HAUS1: variants seen among roughly 807,000 people sequenced by gnomAD.
The protein encoded by HAUS1 is HAUS augmin-like complex subunit 1.
HAUS1 carries 25 observed loss-of-function variants against 38.6 expected under a neutral mutation model. That is an observed-to-expected ratio of 0.65 (90% CI 0.47 to 0.91). HAUS1 has a LOEUF of 0.91. Ranked by LOEUF, HAUS1 falls within the 40% of genes least tolerant of loss-of-function variation. The probability of loss-of-function intolerance (pLI) is 0.00; values close to 1 mark genes in which losing one functional copy is unlikely to be tolerated. For missense variants in HAUS1, 325 were observed against 328.4 expected (o/e 0.99, Z 0.08); for synonymous variants, 109 against 112.9 (o/e 0.97, Z 0.22).
At chr18:46,111,825 G>GT (rs949630502) in intron 2 of HAUS1, among the ~76,000 whole-genome samples, 3 of 149,696 alleles carry the variant, frequency 2.0e-5, no homozygotes, top group African/African-American at 7.4e-5. Context: ...TTATGCGTAT[G>GT]TTGGTATGCT....
intron 8 of HAUS1, 77 bp from the exon 9 acceptor site, chr18:46,127,998 T>G (rs928886479): frequency 3.6e-6 from 3 of 837,826 alleles, no homozygotes; most frequent in Non-Finnish European, 5.4e-6. Flanking sequence ...TTTGCTTCCC[T>G]TATTTTAAAT....
chr18:46,123,419 C>CT, intron 6 of HAUS1, 55 bp downstream of exon 6: 1 of 1,182,156 alleles, frequency 8.5e-7, no homozygotes, highest in Non-Finnish European at 1.2e-6. Flanking sequence ...CCACAGTCTG[C>CT]TTTTTCATTT....
chr18:46,116,559 C>T (rs537737913), intron 2 of HAUS1, among the ~76,000 whole-genome samples: 14 of 136,730 alleles, frequency 1.0e-4, no homozygotes, highest in Admixed American at 1.0e-3. Flanking sequence ...AGACCCTGTC[C>T]CAAAAAAAAA....
chr18:46,116,047 A>G (rs971200174), intron 2 of HAUS1, among the ~76,000 whole-genome samples: 1 of 151,170 alleles, frequency 6.6e-6, no homozygotes, highest in Admixed American at 6.6e-5. Flanking sequence ...CAGAGGTTGC[A>G]GTGAACCGAG....
intron 6 of HAUS1, 97 bp from the exon 7 acceptor site, chr18:46,124,722 CTAA>C (rs1275676049): frequency 3.1e-6 from 2 of 641,886 alleles, no homozygotes; most frequent in Non-Finnish European, 5.5e-6. Context: ...TTAAAATATA[CTAA>C]TGTTAATGCT....
intron 2 of HAUS1, among the ~76,000 whole-genome samples, chr18:46,106,141 C>A (rs994603499): frequency 6.6e-6 from 1 of 152,112 alleles, no homozygotes; most frequent in East Asian, 1.9e-4. Context: ...CAGGAGATTG[C>A]ATTAGAATTT....
chr18:46,122,863 A>G (rs1305051818), intron 5 of HAUS1, among the ~76,000 whole-genome samples: 1 of 152,188 alleles, frequency 6.6e-6, no homozygotes, highest in East Asian at 1.9e-4. Flanking sequence ...ATGCTTAGAT[A>G]CATGTACAGT....
rs71160713 is a variant in HAUS1 at position 46,110,333 on chromosome 18, GTTTTTTTTTTTTT to G, written c.205+4982_205+4994del. On this transcript the variant is annotated intron_variant, in intron 2 of 8. Transcript: ENST00000282058. ...ACCATGCCCAGCTTATTTTTTTAAG[GTTTTTTTTTTTTT>G]TTTTTTTTTTTTTTTTAGATGGAGT... Among the ~76,000 whole-genome samples the G allele has an allele frequency of 3.1e-3, 156 of 50,014 alleles. 2 individuals are homozygous for G. The highest frequency in any genetic ancestry group is 0.017 in the South Asian group (20 of 1,158). The allele number at this position is 50,014 out of a possible 152,430, so 32.8% of individuals were successfully genotyped here. A position where few individuals can be genotyped will look rare whatever the true frequency, so the allele number is the denominator to read the frequency against.
intron 4 of HAUS1, among the ~76,000 whole-genome samples, chr18:46,120,476 C>T (rs1045162850): frequency 2.6e-5 from 4 of 152,026 alleles, no homozygotes; most frequent in African/African-American, 4.8e-5. Flanking sequence ...TCAGGTGATC[C>T]GCCCGCCTCG....
intron 2 of HAUS1, among the ~76,000 whole-genome samples, chr18:46,106,427 C>T (rs1362201275): frequency 1.3e-5 from 2 of 151,546 alleles, no homozygotes; most frequent in Non-Finnish European, 2.9e-5. Context: ...CGAGATCGCA[C>T]CACTGCACTC....
At chr18:46,122,384 T>C in intron 4 of HAUS1, 83 bp from the exon 5 acceptor site, 1 of 1,419,238 alleles carries the variant, frequency 7.0e-7, no homozygotes, top group South Asian at 1.2e-5. Flanking sequence ...CAGCATTGAA[T>C]CCAAAAGTAG....
At chr18:46,109,510 A>T (rs575072713) in intron 2 of HAUS1, 2 of 152,070 alleles carry the variant, frequency 1.3e-5, no homozygotes, top group Admixed American at 1.3e-4. Context: ...TTTTAAATGT[A>T]TTGACATTTG....
chr18:46,123,787 T>C (rs901764278), intron 6 of HAUS1, among the ~76,000 whole-genome samples: 1 of 152,164 alleles, frequency 6.6e-6, no homozygotes, highest in Non-Finnish European at 1.5e-5. Context: ...AAGAGAGAAA[T>C]AGAGGGTTTT....
chr18:46,127,688 A>G (rs968209174), intron 8 of HAUS1, among the ~76,000 whole-genome samples: 3 of 149,906 alleles, frequency 2.0e-5, no homozygotes, highest in African/African-American at 7.4e-5. Flanking sequence ...AGCCTGGGCG[A>G]CAGAGTGAGA....
At chr18:46,115,489 G>T (rs1911775715) in intron 2 of HAUS1, among the ~76,000 whole-genome samples, 1 of 150,634 alleles carries the variant, frequency 6.6e-6, no homozygotes, top group African/African-American at 2.4e-5. Flanking sequence ...TTAGCCAGGG[G>T]TGGTGGTGCA....
chr18:46,118,195 GA>G lies in HAUS1; in HGVS notation c.221del (p.Asp74AlafsTer7). On this transcript the variant is annotated frameshift_variant, in exon 3 of 9. Coordinates refer to ENST00000282058, the MANE Select transcript of HAUS1 (RefSeq NM_138443.4). LOFTEE classifies it high-confidence loss of function. ...CATGTTTTTAGCCAAGTATCTTCAA[GA>G]CCTTCTCATGGAGAGTGTGAATTTT... ...EYESEAKYLQ[D>X]LLMESVNFSP... 1.2e-6 allele frequency: 2 copies of G among 1,611,940 alleles called. No homozygotes were observed. Among genetic ancestry groups the G allele is most frequent in the Non-Finnish European group, 1.7e-6 (2 of 1,179,842 alleles).
chr18:46,113,858 A>AT (rs1190325691), intron 2 of HAUS1, among the ~76,000 whole-genome samples: 2 of 152,108 alleles, frequency 1.3e-5, no homozygotes, highest in Non-Finnish European at 2.9e-5. Flanking sequence ...TATTTTAATG[A>AT]AGTCTGTTTA....
At chr18:46,118,369 A>C in intron 3 of HAUS1, 53 bp downstream of exon 3, 1 of 1,562,766 alleles carries the variant, frequency 6.4e-7, no homozygotes, top group Non-Finnish European at 8.8e-7. Flanking sequence ...ATAAGGTCTT[A>C]AAGACTTTTT....
At position 46,123,309 on chromosome 18, in the gene HAUS1, C is replaced by G. The variant is rs1379576913; in HGVS notation, c.611C>G (p.Ser204Ter). ...FGIKAAEEQL[S>*]ARGMDASLSH... is the part of the protein sequence containing the mutation. ...TTTTGGTAATTGTAGGAGCAACTTT[C>G]AGCCAGAGGCATGGATGCTTCTCTG... Residue 204 changes from serine (S) to a stop codon, truncating the protein, a stop_gained, in exon 6 of 9, where the codon TCA becomes TGA. Transcript: ENST00000282058. LOFTEE classifies it high-confidence loss of function. 1 of 1,610,210 alleles carries G rather than the reference C, an allele frequency of 6.2e-7. No homozygotes were observed. The highest frequency in any genetic ancestry group is 8.5e-7 in the Non-Finnish European group (1 of 1,177,376).
Sources: gnomAD v4.1 joint callset for allele counts (sites outside exome capture counted in the v4.1 genomes callset) on GRCh38, gnomAD v4.1.1 for gene constraint, MANE v1.5 for transcripts, NCBI Gene and HGNC (gene_info 2026-07-23, HGNC 2026-07-21) for gene names.